The following NTMT1 variants were observed in gnomAD, a reference collection of about 807,000 sequenced individuals.
NTMT1 encodes the protein N-terminal Xaa-Pro-Lys N-methyltransferase 1.
A neutral mutation model predicts 17.5 loss-of-function variants in NTMT1; 8 were observed. The observed-to-expected ratio is 0.46, with a 90% CI of 0.27 to 0.82. The LOEUF is 0.82. Ranked by LOEUF, NTMT1 falls within the 40% of genes least tolerant of loss-of-function variation. The pLI, the probability that NTMT1 is intolerant of heterozygous loss-of-function variation, is 0.15. For missense variants in NTMT1, 221 were observed against 303.5 expected, an observed-to-expected ratio of 0.73 and a Z score of 2.02; for synonymous variants, 128 against 126.8, an observed-to-expected ratio of 1.01 and a Z score of -0.06.
upstream of NTMT1, among the ~76,000 whole-genome samples, chr9:129,623,199 G>C (rs1266439412): frequency 6.6e-6 from 1 of 150,576 alleles, no homozygotes; most frequent in Non-Finnish European, 1.5e-5. Flanking sequence ...TGGTTGTGGT[G>C]ACGGGTACCT....
intron 2 of NTMT1, chr9:129,633,382 C>A (rs1430556964): frequency 4.6e-6 from 1 of 215,432 alleles, no homozygotes; most frequent in Non-Finnish European, 9.1e-6. Flanking sequence ...CCTCCATGTT[C>A]CCTCTCTGCA....
chr9:129,623,039 A>AAAG (rs1830783571), upstream of NTMT1, among the ~76,000 whole-genome samples: 1 of 151,024 alleles, frequency 6.6e-6, no homozygotes, highest in African/African-American at 2.4e-5. Flanking sequence ...CATAAAAAAA[A>AAAG]AAAGAAAGAA....
chr9:129,625,514 C>T (rs1323438944), upstream of NTMT1, among the ~76,000 whole-genome samples: 2 of 152,134 alleles, frequency 1.3e-5, no homozygotes, highest in African/African-American at 4.8e-5. Context: ...GACGCTGCGG[C>T]TCTTTTCCGT....
rs575103844 is a variant in NTMT1 at position 129,635,031 on chromosome 9, C to G, written c.416-177C>G. On this transcript the variant is annotated intron_variant, in intron 3 of 3. Transcript: ENST00000372483. Reference sequence around the variant, plus strand: ...GTAGATGACCTCTGAGCCACAGTTTCCTATTCTATGAATTGGGGTTTAGTA... The same window carrying G: ...GTAGATGACCTCTGAGCCACAGTTTGCTATTCTATGAATTGGGGTTTAGTA... 5 of 715,954 alleles carry G rather than the reference C, an allele frequency of 7.0e-6. No individual in the cohort carries two copies. In the East Asian group the frequency reaches 7.9e-5, roughly 11 times the overall value. The allele number at this position is 715,954 out of a possible 1,614,324, so 44.4% of individuals were successfully genotyped here.
Position 129,613,206 on chromosome 9 carries a change from C to A in NTMT1, c.-55+4028C>A. 6.2e-7 allele frequency: 1 copy of A among 1,613,422 alleles called. No individual in the cohort carries two copies. Among genetic ancestry groups the A allele is most frequent in the South Asian group, 1.1e-5 (1 of 91,046 alleles). ...ATGAACAGAAGGGCAGGCTGCTGTT[C>A]ATGGAGGTGTCCTCAGAAAGGTAGC... On this transcript the variant is annotated intron_variant, in intron 1 of 3. Transcript: ENST00000372486. The surrounding 1 kb of genome is among the most constrained non-coding windows in gnomAD (Gnocchi z 6.2).
intron 1 of NTMT1, among the ~76,000 whole-genome samples, chr9:129,616,147 G>A (rs1830366393): frequency 6.6e-6 from 1 of 152,146 alleles, no homozygotes; most frequent in Non-Finnish European, 1.5e-5. Flanking sequence ...AAAGGAAATG[G>A]GCCGTACAAG....
At chr9:129,610,949 C>A (rs370649118) in intron 1 of NTMT1, among the ~76,000 whole-genome samples, 8 of 152,160 alleles carry the variant, frequency 5.3e-5, no homozygotes, top group Non-Finnish European at 8.8e-5. Flanking sequence ...GTCTCCACCC[C>A]CTTCCTTCCA....
rs1473961207 is a variant in NTMT1 at position 129,634,082 on chromosome 9, G to A, written c.191G>A (p.Cys64Tyr). Reference sequence around the variant, plus strand: ...GGCCCGAACAAGACAGGAACGTCCTGTGCCCTGGACTGTGGAGCTGGCATT... The same window carrying A: ...GGCCCGAACAAGACAGGAACGTCCTATGCCCTGGACTGTGGAGCTGGCATT... ...REGPNKTGTS[C>Y]ALDCGAGIGR... Residue 64 changes from cysteine (C) to tyrosine (Y), a missense_variant, in exon 3 of 4, where the codon TGT becomes TAT. By Grantham distance (194) the Cys-to-Tyr change is radical. Coordinates refer to ENST00000372483, the MANE Select transcript of NTMT1 (RefSeq NM_014064.4). The A allele has an allele frequency of 6.2e-7, 1 of 1,614,048 alleles. No homozygotes were observed. The highest frequency in any genetic ancestry group is 8.5e-7 in the Non-Finnish European group (1 of 1,179,924).
chr9:129,632,737 T>C lies in NTMT1; in HGVS notation c.34T>C (p.Phe12Leu). The C allele has an allele frequency of 6.2e-7, 1 of 1,614,052 alleles. No homozygotes were observed. Among genetic ancestry groups the C allele is most frequent in the Non-Finnish European group, 8.5e-7 (1 of 1,179,970 alleles). ...TSEVIEDEKQFYSKAKTYWKQ... is the reference protein window; with the variant it reads ...TSEVIEDEKQLYSKAKTYWKQ... ...CGAGGTGATAGAAGACGAGAAGCAA[T>C]TCTATTCCAAGGCCAAGACCTACTG... is the stretch of plus-strand genomic sequence containing the variant. The change falls in exon 2 of 4, where the codon TTC becomes CTC. Residue 12 changes from phenylalanine to leucine, a missense_variant. Physicochemically the swap from Phe to Leu is conservative, Grantham distance 22 (BLOSUM62 0). Transcript: ENST00000372483.
chr9:129,613,096 C>A lies in NTMT1; in HGVS notation c.-55+3918C>A. 2 of 1,613,710 alleles carry A rather than the reference C, an allele frequency of 1.2e-6. No homozygotes were observed. The highest frequency in any genetic ancestry group is 1.1e-5 in the South Asian group (1 of 91,006). On this transcript the variant is annotated intron_variant, in intron 1 of 3. Transcript: ENST00000372486. This position sits in a 1 kb window ranked among gnomAD's most constrained non-coding sequence, Gnocchi z 6.2. Reference sequence around the variant, plus strand: ...CAGCTTCTAGGTCCAGGAGCAAGACCATTTGCCCACCTGCTCCAGGTTTCT... The same window carrying A: ...CAGCTTCTAGGTCCAGGAGCAAGACAATTTGCCCACCTGCTCCAGGTTTCT...
Position 129,634,278 on chromosome 9 carries a change from C to T in NTMT1, c.387C>T (p.Tyr129=), listed in dbSNP as rs368737277. ...ACTTCACCCCGGAGCCGGACTCTTA[C>T]GACGTGATCTGGATCCAGTGGGTGA... ...LQDFTPEPDS[Y]DVIWIQWVIG... The change falls in exon 3 of 4, where the codon TAC becomes TAT. Residue 129 remains tyrosine, a synonymous_variant. Transcript: ENST00000372483. The T allele has an allele frequency of 7.5e-6, 12 of 1,610,346 alleles. No individual in the cohort carries two copies. The highest frequency in any genetic ancestry group is 2.2e-5 in the South Asian group (2 of 90,696).
At chr9:129,624,670 C>G (rs1285312234), upstream of NTMT1, among the ~76,000 whole-genome samples, 2 of 152,202 alleles carry the variant, frequency 1.3e-5, no homozygotes, top group Non-Finnish European at 2.9e-5. Flanking sequence ...GTTCTTGTCA[C>G]CCAGGCTGGA....
At chr9:129,627,052 G>C (rs972124699) in intron 1 of NTMT1, among the ~76,000 whole-genome samples, 1 of 152,244 alleles carries the variant, frequency 6.6e-6, no homozygotes, top group African/African-American at 2.4e-5. Context: ...GGTATAAGGA[G>C]CCTGGATTCC....
intron 1 of NTMT1, chr9:129,619,548 G>T: frequency 6.2e-7 from 1 of 1,614,044 alleles, no homozygotes; most frequent in Non-Finnish European, 8.5e-7. Context: ...GTGGTGAATT[G>T]TGAGTGATCA....
intron 1 of NTMT1, chr9:129,612,090 C>G (rs1284819131): frequency 2.3e-6 from 1 of 432,520 alleles, no homozygotes; most frequent in African/African-American, 2.0e-5. Flanking sequence ...CTCCCACCTT[C>G]CAGAAGAGGG....
At chr9:129,619,506 C>T (rs372468336) in intron 1 of NTMT1, 23 of 1,588,184 alleles carry the variant, frequency 1.4e-5, no homozygotes, top group South Asian at 4.4e-5. Flanking sequence ...ACCCTTATCC[C>T]GCCCATCACT....
intron 1 of NTMT1, among the ~76,000 whole-genome samples, chr9:129,616,637 C>G (rs770746346): frequency 1.6e-4 from 25 of 152,260 alleles, no homozygotes; most frequent in Middle Eastern, 3.4e-3. Flanking sequence ...AAATTATAGG[C>G]ACAATAATAC....
chr9:129,620,256 A>G lies in NTMT1; in HGVS notation c.-55+11078A>G. On this transcript the variant is annotated intron_variant, in intron 1 of 3. Coordinates refer to the NTMT1 transcript ENST00000372486. This position sits in a 1 kb window ranked among gnomAD's most constrained non-coding sequence, Gnocchi z 5.8. ...GCCGATTCCCGGGACGCGCCGGCCG[A>G]CAGCAGGGGAGGCGGCAGCAGGGAC... 7.5e-7 allele frequency: 1 copy of G among 1,334,426 alleles called. No individual in the cohort carries two copies. Among genetic ancestry groups the G allele is most frequent in the Non-Finnish European group, 9.6e-7 (1 of 1,037,110 alleles). The allele number at this position is 1,334,426 out of a possible 1,614,324, so 82.7% of individuals were successfully genotyped here. A position where few individuals can be genotyped will look rare whatever the true frequency, so the allele number is the denominator to read the frequency against.
At chr9:129,618,161 C>A (rs1029420130) in intron 1 of NTMT1, among the ~76,000 whole-genome samples, 1 of 152,192 alleles carries the variant, frequency 6.6e-6, no homozygotes, top group South Asian at 2.1e-4. Flanking sequence ...GGTCTTTAAA[C>A]TCATGGGCAG....
Sources: allele counts gnomAD v4.1 joint callset (sites outside exome capture counted in the v4.1 genomes callset), GRCh38; gene constraint gnomAD v4.1.1; non-coding constraint Gnocchi (gnomAD v3.1); transcripts MANE v1.5; gene names NCBI Gene and HGNC (gene_info 2026-07-23, HGNC 2026-07-21).